SLC19A1: variants seen among roughly 807,000 people sequenced by gnomAD.
SLC19A1 encodes solute carrier family 19 member 1.
In SLC19A1, 37 loss-of-function variants were observed where a neutral mutation model predicts 35.3. The ratio of observed to expected loss-of-function variants is 1.05; its 90% CI spans 0.81 to 1.38. The LOEUF (loss-of-function observed/expected upper bound fraction) is 1.38. Among genes scored for constraint, SLC19A1 ranks in the 40% most tolerant of loss-of-function variants. The probability of loss-of-function intolerance (pLI) is 0.00; values close to 1 mark genes in which losing one functional copy is unlikely to be tolerated. For synonymous variants in SLC19A1, 460 were observed against 398.5 expected (o/e 1.15, Z -1.84); for missense variants, 831 against 826.9 (o/e 1.00, Z -0.06).
At chr21:45,506,992 C>G in intron 3 of SLC19A1, 2 of 285,194 alleles carry the variant, frequency 7.0e-6, no homozygotes, top group South Asian at 3.2e-5. Context: ...GGATGCAGCC[C>G]CATCCTAACT....
At chr21:45,512,249 TGTGAGAC>T (rs2037655865), downstream of SLC19A1, 1 of 1,612,454 alleles carries the variant, frequency 6.2e-7, no homozygotes, top group Non-Finnish European at 8.5e-7. Context: ...CGAGAGCTAC[TGTGAGAC>T]GTGGCGGACG....
At chr21:45,528,045 CTG>C (rs769391455) in intron 4 of SLC19A1, among the ~76,000 whole-genome samples, 5 of 151,292 alleles carry the variant, frequency 3.3e-5, no homozygotes, top group Non-Finnish European at 7.4e-5. Context: ...GCAGAGGTGT[CTG>C]TGCTGCTGGG....
chr21:45,530,493 G>A lies in SLC19A1; in HGVS notation c.1151+277C>T, dbSNP rs1377207687. 6.6e-6 allele frequency among the ~76,000 whole-genome samples: 1 copy of A among 152,174 alleles called. No homozygotes were observed. The highest frequency in any genetic ancestry group is 1.5e-5 in the Non-Finnish European group (1 of 68,020). The stretch of plus-strand genomic sequence containing the variant: ...CTGGATGGGGTCTCAGCAGCCCGGG[G>A]CCTAGAGGGTGGGGTTGGGAGCAGG... On this transcript the variant is annotated intron_variant, in intron 4 of 5. Transcript: ENST00000311124. The surrounding 1 kb of genome is among the most constrained non-coding windows in gnomAD (Gnocchi z 5.3).
Position 45,530,787 on chromosome 21 carries a change from G to A in SLC19A1, c.1134C>T (p.Phe378=). 6.4e-7 allele frequency: 1 copy of A among 1,563,310 alleles called. No individual in the cohort carries two copies. ...GAACTCACGTGGCGATGGGCACGAG[G>A]AACTGGTAGGAGCCGCGGAACAGCA... is the stretch of plus-strand genomic sequence containing the variant. ...AFVLFRGSYQ[F]LVPIATFQIA... Residue 378 remains phenylalanine (F), a synonymous_variant, in exon 4 of 6, where the codon TTC becomes TTT. Coordinates refer to ENST00000311124, the MANE Select transcript of SLC19A1 (RefSeq NM_194255.4). The surrounding 1 kb of genome is among the most constrained non-coding windows in gnomAD (Gnocchi z 5.3).
chr21:45,537,757 C>G lies in SLC19A1; in HGVS notation c.189+14G>C. 2.1e-6 allele frequency: 3 copies of G among 1,403,514 alleles called. No homozygotes were observed. The highest frequency in any genetic ancestry group is 2.8e-6 in the Non-Finnish European group (3 of 1,075,298). The allele number at this position is 1,403,514 out of a possible 1,614,324, so 86.9% of individuals were successfully genotyped here. ...ACCCACAGGCGGCCGCCCGGCACCCCGGCACCCACATGCCTGCTCCCGCGT... is the reference window on the plus strand; with the variant it reads ...ACCCACAGGCGGCCGCCCGGCACCCGGGCACCCACATGCCTGCTCCCGCGT... On this transcript the variant is annotated intron_variant, in intron 2 of 5. Coordinates refer to ENST00000311124, the MANE Select transcript of SLC19A1 (RefSeq NM_194255.4).
downstream of SLC19A1, among the ~76,000 whole-genome samples, chr21:45,508,198 GTGGGTGAGTGTATGAA>G (rs2037343258): frequency 6.7e-6 from 1 of 150,108 alleles, no homozygotes; most frequent in South Asian, 2.1e-4. Context: ...TGGTGGACAG[GTGGGTGAGTGTATGAA>G]TGGGTGGGTG....
chr21:45,534,597 G>A lies in SLC19A1; in HGVS notation c.190-2449C>T, dbSNP rs574984963. On this transcript the variant is annotated intron_variant, in intron 2 of 5. Coordinates refer to ENST00000311124, the MANE Select transcript of SLC19A1 (RefSeq NM_194255.4). The surrounding 1 kb of genome is among the most constrained non-coding windows in gnomAD (Gnocchi z 4.2). Reference sequence around the variant, plus strand: ...CCACCAGGAGCTGGCTCTGCAGGCTGGGGCCTCATCAGGCACCTCCTGGTC... The same window carrying A: ...CCACCAGGAGCTGGCTCTGCAGGCTAGGGCCTCATCAGGCACCTCCTGGTC... 6.5e-6 allele frequency: 10 copies of A among 1,535,614 alleles called. No homozygotes were observed. In the South Asian group the frequency reaches 1.2e-4, roughly 18 times the overall value.
At chr21:45,528,171 T>G (rs1055665817) in intron 4 of SLC19A1, among the ~76,000 whole-genome samples, 2 of 150,928 alleles carry the variant, frequency 1.3e-5, no homozygotes, top group African/African-American at 4.9e-5. Flanking sequence ...GTCAGTGGGA[T>G]GAAGGGCAGA....
At chr21:45,528,445 G>T (rs1257967690) in intron 4 of SLC19A1, among the ~76,000 whole-genome samples, 1 of 152,100 alleles carries the variant, frequency 6.6e-6, no homozygotes, top group African/African-American at 2.4e-5. Context: ...TCCACAGCAG[G>T]CCGGCCGGCC....
intron 3 of SLC19A1, 86 bp downstream of exon 3, chr21:45,531,303 G>C: frequency 4.0e-6 from 6 of 1,497,878 alleles, no homozygotes; most frequent in Non-Finnish European, 4.4e-6. Flanking sequence ...GGGAGAGGGA[G>C]CCTCCGGGGG....
chr21:45,520,152 CT>C (rs2077394788), intron 5 of SLC19A1, among the ~76,000 whole-genome samples: 1 of 151,990 alleles, frequency 6.6e-6, no homozygotes, highest in Non-Finnish European at 1.5e-5. Context: ...AAAACACAGC[CT>C]ATTAAGATTT....
chr21:45,506,488 A>G, intron 3 of SLC19A1: 2 of 237,660 alleles, frequency 8.4e-6, no homozygotes, highest in Non-Finnish European at 1.7e-5. Context: ...CCCTTCCAGG[A>G]CAGGCCAGCC....
rs113454038 is a variant in SLC19A1 at position 45,517,587 on chromosome 21, G to A, written c.1294-1447C>T. ...AGCCTAGTCACCCCCGAAGCCTCAC[G>A]GAGTCAGCAGAGACCATATGGGGAG... On this transcript the variant is annotated intron_variant, in intron 5 of 5. Coordinates refer to ENST00000311124, the MANE Select transcript of SLC19A1 (RefSeq NM_194255.4). The surrounding 1 kb of genome is among the most constrained non-coding windows in gnomAD (Gnocchi z 4.4). Among the ~76,000 whole-genome samples the A allele has an allele frequency of 1.8e-3, 273 of 152,186 alleles. 1 individual carries two copies. The highest frequency in any genetic ancestry group is 6.3e-3 in the African/African-American group (261 of 41,504).
intron 1 of SLC19A1, among the ~76,000 whole-genome samples, chr21:45,553,052 CAA>C (rs1341058645): frequency 1.3e-5 from 2 of 152,140 alleles, no homozygotes; most frequent in African/African-American, 4.8e-5. Context: ...TCCACTAAAA[CAA>C]GACTCCACCG....
chr21:45,510,439 G>T (rs1489171738), downstream of SLC19A1, among the ~76,000 whole-genome samples: 1 of 152,158 alleles, frequency 6.6e-6, no homozygotes, highest in African/African-American at 2.4e-5. Context: ...CCAGGCTCAG[G>T]CCAGGCCTCT....
chr21:45,540,273 C>T lies in SLC19A1; in HGVS notation c.-50+2095G>A, dbSNP rs780383958. ...TGTCAGCAGGTTTAGACAGGCGCAC[C>T]GATCCCCAGACAACCAGAGCAACCA... On this transcript the variant is annotated intron_variant, in intron 1 of 5. Transcript: ENST00000311124. This position sits in a 1 kb window ranked among gnomAD's most constrained non-coding sequence, Gnocchi z 5.5. Among the ~76,000 whole-genome samples, 2 of 152,190 alleles carry T rather than the reference C, an allele frequency of 1.3e-5. No homozygotes were observed. The highest frequency in any genetic ancestry group is 4.8e-5 in the African/African-American group (2 of 41,440).
chr21:45,510,850 G>A (rs531863852), downstream of SLC19A1, among the ~76,000 whole-genome samples: 55 of 152,230 alleles, frequency 3.6e-4, no homozygotes, highest in South Asian at 1.0e-3. Flanking sequence ...CTTGGGGTCT[G>A]CAGAGGCTGC....
downstream of SLC19A1, chr21:45,510,228 C>A: frequency 6.2e-7 from 1 of 1,606,438 alleles, no homozygotes; most frequent in South Asian, 1.1e-5. Context: ...TGCGCCGTGC[C>A]GACCGCGCAG....
chr21:45,525,352 T>C (rs2077572336), intron 5 of SLC19A1, among the ~76,000 whole-genome samples: 1 of 152,212 alleles, frequency 6.6e-6, no homozygotes, highest in African/African-American at 2.4e-5. Context: ...AAATGTGTGT[T>C]TTCCAGCTCT....
Sources: gnomAD v4.1 joint callset for allele counts (sites outside exome capture counted in the v4.1 genomes callset) on GRCh38, gnomAD v4.1.1 for gene constraint, Gnocchi (gnomAD v3.1) non-coding constraint, MANE v1.5 for transcripts, NCBI Gene and HGNC (gene_info 2026-07-23, HGNC 2026-07-21) for gene names.